Variants in FAM3D observed in about 807,000 individuals in gnomAD.
FAM3D encodes the protein protein FAM3D.
In FAM3D, 26 loss-of-function variants were observed where a neutral mutation model predicts 29.8. That is an observed-to-expected ratio of 0.87 (90% CI 0.64 to 1.21). The LOEUF is 1.21. Ranked by LOEUF, FAM3D falls within the 50% of genes most tolerant of loss-of-function variation. FAM3D has a pLI of 0.00. For synonymous variants in FAM3D, 115 were observed against 102.3 expected (o/e 1.12, Z -0.75); for missense variants, 253 against 290.9 (o/e 0.87, Z 0.95).
Position 58,640,896 on chromosome 3 carries a change from G to T in FAM3D, c.323-719C>A, listed in dbSNP as rs145060478. 2.5e-3 allele frequency among the ~76,000 whole-genome samples: 383 copies of T among 152,366 alleles called. 2 individuals are homozygous for T. Among genetic ancestry groups the T allele is most frequent in the African/African-American group, 8.6e-3 (359 of 41,580 alleles). On this transcript the variant is annotated intron_variant, in intron 6 of 9. Transcript: ENST00000358781. The stretch of plus-strand genomic sequence containing the variant: ...CTGTCCAGGTGGCGCGAGCAGGCTC[G>T]CTTAGCAGCCCCTCCAGGATTCTCG...
At chr3:58,638,142 C>A (rs539213323) in intron 7 of FAM3D, among the ~76,000 whole-genome samples, 16 of 152,292 alleles carry the variant, frequency 1.1e-4, no homozygotes, top group African/African-American at 3.9e-4. Context: ...TCTCGACCTC[C>A]CAAAGTGCTG....
In FAM3D at chr3:58,645,498, T is replaced by C. The variant is rs1462083226; in HGVS notation, c.263+11A>G. 1.4e-5 allele frequency: 22 copies of C among 1,573,090 alleles called. No individual in the cohort carries two copies. The highest frequency in any genetic ancestry group is 1.9e-5 in the Non-Finnish European group (22 of 1,148,524). On this transcript the variant is annotated intron_variant, in intron 5 of 9. Coordinates refer to ENST00000358781, the MANE Select transcript of FAM3D (RefSeq NM_138805.3). ...AAATAAAATAAACATAGTTGTGTCT[T>C]AGGTACTTACATGCGGTCTTCAAAG...
intron 6 of FAM3D, among the ~76,000 whole-genome samples, chr3:58,643,180 C>A (rs994808694): frequency 1.3e-5 from 2 of 152,226 alleles, no homozygotes; most frequent in African/African-American, 4.8e-5. Flanking sequence ...TTGTGAGCCT[C>A]ACGGATACCT....
intron 6 of FAM3D, among the ~76,000 whole-genome samples, chr3:58,641,307 G>C (rs1405550732): frequency 6.6e-6 from 1 of 152,118 alleles, no homozygotes; most frequent in African/African-American, 2.4e-5. Context: ...CAGTTGACTC[G>C]ATCCAGGTTC....
chr3:58,657,282 G>A (rs2066831907), intron 1 of FAM3D, among the ~76,000 whole-genome samples: 1 of 151,530 alleles, frequency 6.6e-6, no homozygotes, highest in Admixed American at 6.6e-5. Flanking sequence ...GGGGTTGGAT[G>A]GACAGACAGA....
At chr3:58,649,484 A>G in intron 3 of FAM3D, 146 bp from the exon 4 acceptor site, 2 of 817,664 alleles carry the variant, frequency 2.4e-6, no homozygotes, top group Non-Finnish European at 4.1e-6. Context: ...TGCCACTGTC[A>G]CCCCTTCACA....
chr3:58,654,663 A>ACC (rs936716314), intron 2 of FAM3D, among the ~76,000 whole-genome samples: 11 of 144,132 alleles, frequency 7.6e-5, no homozygotes, highest in South Asian at 2.2e-4. Flanking sequence ...CAGCTGTGGC[A>ACC]CCCCTCCCTC....
rs149807207 is a variant in FAM3D at position 58,643,223 on chromosome 3, C to G, written c.322+439G>C. On this transcript the variant is annotated intron_variant, in intron 6 of 9. Coordinates refer to ENST00000358781, the MANE Select transcript of FAM3D (RefSeq NM_138805.3). The stretch of plus-strand genomic sequence containing the variant: ...CTGTGAAGCCAGGGCCTTTCTAGTT[C>G]TTGGCTGACCCCCAGTGTCCTGTAC... Among the ~76,000 whole-genome samples, 729 of 152,332 alleles carry G rather than the reference C, an allele frequency of 4.8e-3. 4 individuals carry two copies. Among genetic ancestry groups the G allele is most frequent in the Middle Eastern group, 0.014 (4 of 294 alleles).
intron 2 of FAM3D, among the ~76,000 whole-genome samples, chr3:58,654,835 T>C (rs2066745590): frequency 6.6e-6 from 1 of 152,176 alleles, no homozygotes; most frequent in Non-Finnish European, 1.5e-5. Context: ...ACAGCACGGA[T>C]CTAGGCACCC....
chr3:58,658,810 C>T (rs555968735), intron 1 of FAM3D, among the ~76,000 whole-genome samples: 1 of 152,284 alleles, frequency 6.6e-6, no homozygotes, highest in South Asian at 2.1e-4. Flanking sequence ...CTCTCTTCTC[C>T]CTGGAGATGC....
In FAM3D at chr3:58,653,622, G is replaced by A. The variant is rs372221279; in HGVS notation, c.121+52C>T. ...GGGATGGAGGGAAGAATATGTCTTC[G>A]GCCCCCAGGCCTGGTCTGCAGTTCC... is the stretch of plus-strand genomic sequence containing the variant. On this transcript the variant is annotated intron_variant, in intron 3 of 9. Transcript: ENST00000358781. 118 of 1,524,842 alleles carry A rather than the reference G, an allele frequency of 7.7e-5. 1 individual carries two copies. The highest frequency in any genetic ancestry group is 3.0e-4 in the South Asian group (27 of 89,316). 94.5% of individuals were successfully genotyped at this position (1,524,842 alleles called of 1,614,324 possible).
chr3:58,647,581 T>A (rs945438159), intron 4 of FAM3D, among the ~76,000 whole-genome samples: 1 of 152,232 alleles, frequency 6.6e-6, no homozygotes, highest in Non-Finnish European at 1.5e-5. Flanking sequence ...ATAAACCTGA[T>A]GTCAACAGGC....
At chr3:58,655,734 T>C (rs764360989) in intron 1 of FAM3D, 133 bp from the exon 2 acceptor site, 2 of 655,940 alleles carry the variant, frequency 3.0e-6, no homozygotes, top group Non-Finnish European at 2.5e-6. Flanking sequence ...ACCTGCCATA[T>C]GAACAAGAGG....
intron 4 of FAM3D, 148 bp from the exon 5 acceptor site, chr3:58,645,774 C>T: frequency 1.4e-6 from 1 of 701,010 alleles, no homozygotes; most frequent in South Asian, 1.7e-5. Context: ...ATTGCAAAGT[C>T]TGGGAGATGT....
At position 58,636,334 on chromosome 3, in the gene FAM3D, A is replaced by T; in HGVS notation, c.545T>A (p.Ile182Lys). Reference sequence around the variant, plus strand: ...TTTACCCCTGAGGTCTTTGGCTCCTATGAAGACCCAGCTGTCCCGGAAGCC... The same window carrying T: ...TTTACCCCTGAGGTCTTTGGCTCCTTTGAAGACCCAGCTGTCCCGGAAGCC... The part of the protein sequence containing the change: ...QLGFRDSWVF[I>K]GAKDLRGKSP... Residue 182 changes from isoleucine (I) to lysine (K), a missense_variant, in exon 9 of 10, where the codon ATA becomes AAA. Coordinates refer to ENST00000358781, the MANE Select transcript of FAM3D (RefSeq NM_138805.3). The T allele has an allele frequency of 6.2e-7, 1 of 1,614,196 alleles. No homozygotes were observed. The highest frequency in any genetic ancestry group is 1.1e-5 in the South Asian group (1 of 91,084).
intron 2 of FAM3D, among the ~76,000 whole-genome samples, chr3:58,654,016 G>C (rs941785140): frequency 6.6e-6 from 1 of 152,250 alleles, no homozygotes; most frequent in African/African-American, 2.4e-5. Context: ...TCCCCTGGGA[G>C]AGAAAGTTAA....
At chr3:58,659,376 T>C (rs970609818) in intron 1 of FAM3D, among the ~76,000 whole-genome samples, 1 of 152,238 alleles carries the variant, frequency 6.6e-6, no homozygotes, top group African/African-American at 2.4e-5. Context: ...CAGCACTTCC[T>C]GTTGCCTGCG....
Position 58,641,378 on chromosome 3 carries a change from T to C in FAM3D, c.323-1201A>G, listed in dbSNP as rs540755312. 4.6e-5 allele frequency among the ~76,000 whole-genome samples: 7 copies of C among 152,136 alleles called. No homozygotes were observed. In the South Asian group the frequency reaches 1.5e-3, roughly 32 times the overall value. ...GCAAGTTGCTTAACCTCTTTTTTTTTTTTGGACAGGGTCTCTCTGCAGTCC... is the reference window on the plus strand; with the variant it reads ...GCAAGTTGCTTAACCTCTTTTTTTTCTTTGGACAGGGTCTCTCTGCAGTCC... On this transcript the variant is annotated intron_variant, in intron 6 of 9. Transcript: ENST00000358781.
intron 1 of FAM3D, among the ~76,000 whole-genome samples, chr3:58,661,483 T>C (rs2066928275): frequency 6.6e-6 from 1 of 152,292 alleles, no homozygotes; most frequent in Non-Finnish European, 1.5e-5. Context: ...ACCTGACAGA[T>C]CATCCTCTGA....
Sources: gnomAD v4.1 joint callset for allele counts (sites outside exome capture counted in the v4.1 genomes callset) on GRCh38, gnomAD v4.1.1 for gene constraint, MANE v1.5 for transcripts, NCBI Gene and HGNC (gene_info 2026-07-23, HGNC 2026-07-21) for gene names.